IL1RAPL2: variants seen among roughly 807,000 people sequenced by gnomAD.
IL1RAPL2 encodes the protein X-linked interleukin-1 receptor accessory protein-like 2.
A neutral mutation model predicts 44.1 loss-of-function variants in IL1RAPL2; 3 were observed. That is an observed-to-expected ratio of 0.07 (90% CI 0.03 to 0.18). The LOEUF (loss-of-function observed/expected upper bound fraction) is 0.18, where lower values mean the gene tolerates loss of function less well. IL1RAPL2 is among the 10% of genes least tolerant of loss of function. IL1RAPL2 has a pLI of 1.00. For missense variants in IL1RAPL2, 391 were observed against 496.4 expected (o/e 0.79, Z 2.02); for synonymous variants, 181 against 178.8 (o/e 1.01, Z -0.10).
At chrX:105,396,942 T>A (rs1423265404) in intron 5 of IL1RAPL2, among the ~76,000 whole-genome samples, 2 of 111,238 alleles carry the variant, frequency 1.8e-5, no homozygotes, top group African/African-American at 6.5e-5. Flanking sequence ...CATCTGTATT[T>A]ACAGCTGCTC....
chrX:104,676,830 CTCTCT>C (rs1930771952), intron 2 of IL1RAPL2, among the ~76,000 whole-genome samples: 1 of 111,635 alleles, frequency 9.0e-6, no homozygotes, highest in African/African-American at 3.3e-5. Context: ...AACTTCTCTT[CTCTCT>C]TCATTTCATT....
At chrX:104,742,406 T>TAA (rs1421212722) in intron 2 of IL1RAPL2, among the ~76,000 whole-genome samples, 1 of 111,476 alleles carries the variant, frequency 9.0e-6, no homozygotes, top group African/African-American at 3.2e-5. Flanking sequence ...TGAGTGTGTT[T>TAA]GTACACATAC....
chrX:105,168,414 GGTGTGTGTGTGTGTGTGTGTGTGT>G, intron 2 of IL1RAPL2, among the ~76,000 whole-genome samples: 1 of 89,356 alleles, frequency 1.1e-5, no homozygotes, highest in African/African-American at 4.7e-5. Flanking sequence ...AACCATAGGA[GGTGTGTGTGTGTGTGTGTGTGTGT>G]GTGTGTGTGT....
intron 2 of IL1RAPL2, among the ~76,000 whole-genome samples, chrX:104,881,046 G>A (rs1391864159): frequency 1.8e-5 from 2 of 111,264 alleles, no homozygotes; most frequent in Admixed American, 1.9e-4. Context: ...ATTTTTTTAA[G>A]CAAAACTAAG....
At chrX:105,032,953 T>C (rs985783807) in intron 2 of IL1RAPL2, among the ~76,000 whole-genome samples, 3 of 111,994 alleles carry the variant, frequency 2.7e-5, no homozygotes, top group African/African-American at 9.8e-5. Context: ...GTTCTTCTTG[T>C]TGAATTGATC....
At chrX:105,086,726 GTGTA>G (rs199890754) in intron 2 of IL1RAPL2, among the ~76,000 whole-genome samples, 7 of 107,986 alleles carry the variant, frequency 6.5e-5, no homozygotes, top group African/African-American at 2.5e-4. Flanking sequence ...GTGTGTGTGT[GTGTA>G]TATAATCAGA....
intron 2 of IL1RAPL2, among the ~76,000 whole-genome samples, chrX:104,823,744 C>T (rs1396040346): frequency 1.8e-5 from 2 of 111,317 alleles, no homozygotes; most frequent in Non-Finnish European, 3.8e-5. Context: ...TATTTCTCCA[C>T]GAGACTTTGC....
At chrX:104,992,988 T>C (rs1360442456) in intron 2 of IL1RAPL2, among the ~76,000 whole-genome samples, 1 of 111,417 alleles carries the variant, frequency 9.0e-6, no homozygotes, top group Non-Finnish European at 1.9e-5. Context: ...CTGTTTTGAA[T>C]TGTGGTCTGG....
chrX:105,026,604 ATAAAAT>A (rs947368517), intron 2 of IL1RAPL2, among the ~76,000 whole-genome samples: 1 of 110,932 alleles, frequency 9.0e-6, no homozygotes. Flanking sequence ...ATAGCCACAG[ATAAAAT>A]TAAATACCTA....
At chrX:104,720,553 G>A (rs1303762907) in intron 2 of IL1RAPL2, among the ~76,000 whole-genome samples, 2 of 111,392 alleles carry the variant, frequency 1.8e-5, no homozygotes, top group Non-Finnish European at 3.8e-5. Flanking sequence ...TCCAGCAATT[G>A]CTACTAGCTG....
intron 2 of IL1RAPL2, among the ~76,000 whole-genome samples, chrX:104,974,824 G>A (rs2030301699): frequency 8.9e-6 from 1 of 112,175 alleles, no homozygotes; most frequent in South Asian, 3.7e-4. Flanking sequence ...GCAGAAGAAG[G>A]TTAGCTCTGG....
intron 5 of IL1RAPL2, among the ~76,000 whole-genome samples, chrX:105,344,952 A>C (rs191269018): frequency 2.1e-4 from 23 of 111,658 alleles, no homozygotes; most frequent in Non-Finnish European, 1.9e-5. Flanking sequence ...TCTTGGTACA[A>C]ATCTCTGTCA....
chrX:104,968,404 G>A (rs2030166989), intron 2 of IL1RAPL2, among the ~76,000 whole-genome samples: 1 of 111,757 alleles, frequency 8.9e-6, no homozygotes, highest in Non-Finnish European at 1.9e-5. Flanking sequence ...GATAAATTGT[G>A]TCTACAAAAT....
intron 6 of IL1RAPL2, among the ~76,000 whole-genome samples, chrX:105,665,826 G>A (rs1395441616): frequency 3.9e-5 from 4 of 103,609 alleles, no homozygotes; most frequent in Non-Finnish European, 7.8e-5. Context: ...GCAGTGGTGC[G>A]ATCTCGGCTC....
At position 104,637,792 on chromosome X, in the gene IL1RAPL2, G is replaced by C. The variant is rs866735539; in HGVS notation, c.-19-21103G>C. On this transcript the variant is annotated intron_variant, in intron 1 of 10. Transcript: ENST00000372582. Reference sequence around the variant, plus strand: ...AGTTTTTGTGTATGTGTGTGTGTGTGTGTGTGTGTCTGTGTGTGTGTGTGT... The same window carrying C: ...AGTTTTTGTGTATGTGTGTGTGTGTCTGTGTGTGTCTGTGTGTGTGTGTGT... Among the ~76,000 whole-genome samples, 274 of 109,241 alleles carry C rather than the reference G, an allele frequency of 2.5e-3. 1 individual carries two copies. The highest frequency in any genetic ancestry group is 3.9e-3 in the Non-Finnish European group (206 of 52,482). The allele number at this position is 109,241 out of a possible 115,157, so 94.9% of individuals were successfully genotyped here. A position where few individuals can be genotyped will look rare whatever the true frequency, so the allele number is the denominator to read the frequency against.
intron 2 of IL1RAPL2, among the ~76,000 whole-genome samples, chrX:105,069,425 A>C (rs2032178745): frequency 8.9e-6 from 1 of 112,761 alleles, no homozygotes; most frequent in East Asian, 2.8e-4. Flanking sequence ...AAGGAATTCA[A>C]ATTATGTTGT....
At chrX:104,820,940 C>A (rs1222365069) in intron 2 of IL1RAPL2, among the ~76,000 whole-genome samples, 1 of 112,051 alleles carries the variant, frequency 8.9e-6, no homozygotes, top group Non-Finnish European at 1.9e-5. Flanking sequence ...TTTTTATAAG[C>A]AATTACTTAA....
At chrX:105,541,900 C>T (rs1986811458) in intron 6 of IL1RAPL2, among the ~76,000 whole-genome samples, 5 of 111,167 alleles carry the variant, frequency 4.5e-5, no homozygotes, top group Admixed American at 2.9e-4. Flanking sequence ...CACTATCATT[C>T]CCACCACCCC....
intron 6 of IL1RAPL2, among the ~76,000 whole-genome samples, chrX:105,551,301 A>AC (rs1491515028): frequency 9.3e-6 from 1 of 107,420 alleles, no homozygotes; most frequent in Non-Finnish European, 1.9e-5. Context: ...AAAAAAAAAA[A>AC]CAACAACAAC....
Sources: gnomAD v4.1 joint callset for allele counts (sites outside exome capture counted in the v4.1 genomes callset) on GRCh38, gnomAD v4.1.1 for gene constraint, MANE v1.5 for transcripts, NCBI Gene and HGNC (gene_info 2026-07-23, HGNC 2026-07-21) for gene names.